STRN: variants seen among roughly 807,000 people sequenced by gnomAD.
STRN encodes striatin, also known as protein phosphatase 2 regulatory subunit B'''alpha.
STRN carries 53 observed loss-of-function variants against 96.3 expected under a neutral mutation model. The ratio of observed to expected loss-of-function variants is 0.55; its 90% confidence interval spans 0.44 to 0.69. STRN has a LOEUF of 0.69. Ranked by LOEUF, STRN falls within the 30% of genes least tolerant of loss-of-function variation. The pLI, the probability that STRN is intolerant of heterozygous loss-of-function variation, is 0.00. For synonymous variants in STRN, 428 were observed against 355.9 expected, an observed-to-expected ratio of 1.20 and a Z score of -2.28; for missense variants, 987 against 963.9, an observed-to-expected ratio of 1.02 and a Z score of -0.32.
chr2:36,918,270 G>A (rs1346635314), intron 2 of STRN, among the ~76,000 whole-genome samples: 2 of 152,078 alleles, frequency 1.3e-5, no homozygotes, highest in Admixed American at 6.5e-5. Context: ...TTACTAGAAA[G>A]TAAACAAAGT....
chr2:36,891,015 G>C lies in STRN; in HGVS notation c.931+2883C>G, dbSNP rs533076465. On this transcript the variant is annotated intron_variant, in intron 7 of 17. Transcript: ENST00000263918. Reference sequence around the variant, plus strand: ...GTATTTCGGATTTCAAATTATTTTGGATTTTGGAATATTTGTACTATACTG... The same window carrying C: ...GTATTTCGGATTTCAAATTATTTTGCATTTTGGAATATTTGTACTATACTG... Among the ~76,000 whole-genome samples the C allele has an allele frequency of 2.0e-5, 3 of 152,116 alleles. No individual in the cohort carries two copies. In the East Asian group the frequency reaches 5.8e-4, roughly 29 times the overall value.
intron 1 of STRN, among the ~76,000 whole-genome samples, chr2:36,939,173 C>T (rs868142443): frequency 9.9e-5 from 15 of 152,018 alleles, no homozygotes; most frequent in South Asian, 2.1e-4. Flanking sequence ...CCTCGTGATC[C>T]GCCCGCCTCG....
chr2:36,966,210 CA>C lies in STRN; in HGVS notation c.234+19del. On this transcript the variant is annotated intron_variant, in intron 1 of 17. Coordinates refer to ENST00000263918, the MANE Select transcript of STRN (RefSeq NM_003162.4). ...AGCAAAGAGGCGGGATGAAGACGGC[CA>C]GGCCGGGAGGGTCTTTACCTGCAGC... 4 of 1,534,834 alleles carry C rather than the reference CA, an allele frequency of 2.6e-6. No individual in the cohort carries two copies. The highest frequency in any genetic ancestry group is 3.5e-6 in the Non-Finnish European group (4 of 1,141,826).
intron 8 of STRN, among the ~76,000 whole-genome samples, chr2:36,886,233 T>C (rs560811223): frequency 3.3e-5 from 5 of 152,262 alleles, no homozygotes; most frequent in African/African-American, 1.2e-4. Context: ...GTATAGCATA[T>C]AGTGGTATGA....
At chr2:36,915,228 CATAAATATATATATATATATATAT>C (rs1441722333) in intron 3 of STRN, among the ~76,000 whole-genome samples, 2 of 65,294 alleles carry the variant, frequency 3.1e-5, no homozygotes, top group African/African-American at 9.6e-5. Flanking sequence ...AAACTGAATA[CATAAATATATATATATATATATAT>C]ATATATATAT....
At chr2:36,930,213 CCT>C (rs1195429991) in intron 1 of STRN, among the ~76,000 whole-genome samples, 1 of 152,040 alleles carries the variant, frequency 6.6e-6, no homozygotes, top group Non-Finnish European at 1.5e-5. Flanking sequence ...AGGTGGATCA[CCT>C]GAGGTCAGGA....
At chr2:36,852,250 G>C (rs1668239379) in intron 15 of STRN, among the ~76,000 whole-genome samples, 1 of 151,978 alleles carries the variant, frequency 6.6e-6, no homozygotes, top group African/African-American at 2.4e-5. Context: ...TTTTTTAAGA[G>C]AAAAGAAAAA....
intron 1 of STRN, among the ~76,000 whole-genome samples, chr2:36,959,690 T>C (rs1254073948): frequency 6.6e-6 from 1 of 152,224 alleles, no homozygotes; most frequent in East Asian, 1.9e-4. Flanking sequence ...AGAAATTATA[T>C]CCCAAATTCT....
In STRN at chr2:36,855,236, T is replaced by C. The variant is rs1668314710; in HGVS notation, c.1954A>G (p.Thr652Ala). The C allele has an allele frequency of 1.2e-6, 2 of 1,613,216 alleles. No individual in the cohort carries two copies. The highest frequency in any genetic ancestry group is 1.7e-6 in the Non-Finnish European group (2 of 1,179,230). Residue 652 changes from threonine (T) to alanine (A), a missense_variant, in exon 15 of 18, where the codon ACT (threonine) becomes GCT (alanine). By Grantham distance (58) the Thr-to-Ala change is moderately conservative. Transcript: ENST00000263918. ...FNMETQQRIL[T>A]LESNVDTTAN... ...CTTGTATCTACATTGGATTCTAAAG[T>C]GAGAATGCGTTGTTGTGTTTCCATG...
At chr2:36,928,985 TA>T (rs1429851022) in intron 1 of STRN, among the ~76,000 whole-genome samples, 5 of 151,402 alleles carry the variant, frequency 3.3e-5, no homozygotes, top group Non-Finnish European at 4.4e-5. Context: ...ATAAAATGTT[TA>T]AAAAATTACA....
chr2:36,867,640 C>A, intron 12 of STRN, 174 bp downstream of exon 12: 1 of 405,802 alleles, frequency 2.5e-6, no homozygotes, highest in Non-Finnish European at 4.3e-6. Flanking sequence ...GCACAAATCC[C>A]TACTTGGCAA....
At chr2:36,893,847 A>G (rs554341657) in intron 7 of STRN, 51 bp downstream of exon 7, 22 of 1,543,374 alleles carry the variant, frequency 1.4e-5, no homozygotes, top group South Asian at 1.4e-4. Flanking sequence ...TAAAATATTA[A>G]TTTCTTTTAT....
Position 36,844,182 on chromosome 2 carries a change from G to A in STRN, c.*5274C>T, listed in dbSNP as rs1668011815. The stretch of plus-strand genomic sequence containing the variant: ...ATCATAGAGTTGGGATTAGGGTAGG[G>A]GATACCTATTAATCTGGGCTGGAAA... On this transcript the variant is annotated 3_prime_UTR_variant, in exon 18 of 18. Coordinates refer to ENST00000263918, the MANE Select transcript of STRN (RefSeq NM_003162.4). The A allele has an allele frequency of 1.3e-5, 2 of 152,122 alleles. No individual in the cohort carries two copies. The highest frequency in any genetic ancestry group is 1.3e-4 in the Admixed American group (2 of 15,256). The allele number at this position is 152,122 out of a possible 1,614,324, so 9.4% of individuals were successfully genotyped here.
chr2:36,903,416 A>G (rs1669740391), intron 4 of STRN, among the ~76,000 whole-genome samples: 1 of 152,194 alleles, frequency 6.6e-6, no homozygotes, highest in Admixed American at 6.5e-5. Context: ...CCTGAACCTC[A>G]GTTTTCTATC....
chr2:36,897,353 T>C (rs1669567883), intron 6 of STRN, among the ~76,000 whole-genome samples: 1 of 151,882 alleles, frequency 6.6e-6, no homozygotes, highest in African/African-American at 2.4e-5. Flanking sequence ...TGCAAATTAA[T>C]GTAATATAAT....
chr2:36,916,233 A>G (rs573399451), intron 2 of STRN, 82 bp from the exon 3 acceptor site: 4 of 1,205,936 alleles, frequency 3.3e-6, no homozygotes, highest in Non-Finnish European at 3.6e-6. Flanking sequence ...ACAAGAATTC[A>G]GTAGTCCTGG....
chr2:36,911,096 C>T (rs1184370361), intron 3 of STRN, among the ~76,000 whole-genome samples: 3 of 152,118 alleles, frequency 2.0e-5, no homozygotes, highest in Admixed American at 1.3e-4. Flanking sequence ...ACCCTTTCTG[C>T]CACCTCCTAG....
chr2:36,955,397 CAT>C (rs1486753607), intron 1 of STRN, among the ~76,000 whole-genome samples: 4 of 152,176 alleles, frequency 2.6e-5, no homozygotes, highest in African/African-American at 4.8e-5. Context: ...GGGCAGTGCA[CAT>C]GTGTGCATAT....
chr2:36,853,626 T>C (rs373457243), intron 15 of STRN, among the ~76,000 whole-genome samples: 9 of 152,316 alleles, frequency 5.9e-5, no homozygotes, highest in East Asian at 5.8e-4. Context: ...CAAATCGCCA[T>C]TGACATCAAT....
Sources: allele counts gnomAD v4.1 joint callset (sites outside exome capture counted in the v4.1 genomes callset), GRCh38; gene constraint gnomAD v4.1.1; transcripts MANE v1.5; gene names NCBI Gene and HGNC (gene_info 2026-07-23, HGNC 2026-07-21).